Variants in XKR6 observed in about 807,000 individuals in gnomAD.
XKR6 encodes XK related 6, also known as XK-related protein 6.
In XKR6, 22 loss-of-function variants were observed where a neutral mutation model predicts 56.7. The ratio of observed to expected loss-of-function variants is 0.39; its 90% CI spans 0.28 to 0.55. XKR6 has a LOEUF of 0.55. Ranked by LOEUF, XKR6 falls within the 20% of genes least tolerant of loss-of-function variation. XKR6 has a pLI of 0.66. For synonymous variants in XKR6, 524 were observed against 387.8 expected, an observed-to-expected ratio of 1.35 and a Z score of -4.13; for missense variants, 852 against 889.0, an observed-to-expected ratio of 0.96 and a Z score of 0.53.
intron 1 of XKR6, among the ~76,000 whole-genome samples, chr8:11,166,845 G>C (rs369398376): frequency 6.6e-6 from 1 of 152,196 alleles, no homozygotes; most frequent in African/African-American, 2.4e-5. Flanking sequence ...AAACTGCTGA[G>C]ATTACAGGCG....
At position 11,200,506 on chromosome 8, in the gene XKR6, C is replaced by T. The variant is rs1392251957; in HGVS notation, c.764+70G>A. ...CGCTGGGCCCTTTCGAGGGGCCGCCCCGCGAAGCACCGGGAGGGCGGAGGG... is the reference window on the plus strand; with the variant it reads ...CGCTGGGCCCTTTCGAGGGGCCGCCTCGCGAAGCACCGGGAGGGCGGAGGG... On this transcript the variant is annotated intron_variant, in intron 1 of 2. Coordinates refer to ENST00000416569, the MANE Select transcript of XKR6 (RefSeq NM_173683.4). The surrounding 1 kb of genome is among the most constrained non-coding windows in gnomAD (Gnocchi z 6.4). The T allele has an allele frequency of 5.8e-6, 8 of 1,375,468 alleles. No individual in the cohort carries two copies. The highest frequency in any genetic ancestry group is 7.5e-6 in the Non-Finnish European group (8 of 1,072,814). 85.2% of individuals were successfully genotyped at this position (1,375,468 alleles called of 1,614,324 possible). A position where few individuals can be genotyped will look rare whatever the true frequency, so the allele number is the denominator to read the frequency against.
intron 1 of XKR6, chr8:11,109,564 C>T (rs1346757147): frequency 1.3e-5 from 2 of 152,216 alleles, no homozygotes; most frequent in African/African-American, 4.8e-5. Flanking sequence ...CTCATCCTCC[C>T]CAGGAAAGGC....
chr8:10,995,991 G>T (rs1798105044), intron 1 of XKR6, among the ~76,000 whole-genome samples: 1 of 152,174 alleles, frequency 6.6e-6, no homozygotes, highest in African/African-American at 2.4e-5. Flanking sequence ...TTGTTTACAT[G>T]ATATAAAGGG....
chr8:11,192,514 C>A (rs1803637946), intron 1 of XKR6, among the ~76,000 whole-genome samples: 1 of 151,846 alleles, frequency 6.6e-6, no homozygotes, highest in Non-Finnish European at 1.5e-5. Context: ...ACTCAGGAGG[C>A]ATAGGCAAGG....
intron 2 of XKR6, among the ~76,000 whole-genome samples, chr8:10,909,241 C>T (rs1396790493): frequency 1.3e-5 from 2 of 152,130 alleles, no homozygotes; most frequent in African/African-American, 4.8e-5. Context: ...TGTTAAGACA[C>T]AGCAAAGAGG....
At chr8:11,064,167 G>C (rs1031897477) in intron 1 of XKR6, among the ~76,000 whole-genome samples, 5 of 151,988 alleles carry the variant, frequency 3.3e-5, no homozygotes, top group African/African-American at 1.2e-4. Context: ...CCCAATAAAT[G>C]GTTTCATCTT....
chr8:11,164,639 G>A (rs973711668), intron 1 of XKR6, among the ~76,000 whole-genome samples: 3 of 152,168 alleles, frequency 2.0e-5, no homozygotes, highest in African/African-American at 7.2e-5. Flanking sequence ...CACGCAGACA[G>A]ATACAACTAA....
intron 1 of XKR6, among the ~76,000 whole-genome samples, chr8:11,052,752 C>T (rs572052452): frequency 4.0e-5 from 6 of 151,258 alleles, no homozygotes; most frequent in African/African-American, 7.3e-5. Flanking sequence ...CCTTGCCCAC[C>T]GGGAGTGAGC....
chr8:11,121,242 G>A (rs947618311), intron 1 of XKR6, among the ~76,000 whole-genome samples: 4 of 152,122 alleles, frequency 2.6e-5, no homozygotes, highest in African/African-American at 9.7e-5. Flanking sequence ...CCATCAGAGT[G>A]AACAGGCAAC....
At chr8:11,099,206 G>A (rs1023867572) in intron 1 of XKR6, among the ~76,000 whole-genome samples, 2 of 152,196 alleles carry the variant, frequency 1.3e-5, no homozygotes, top group Non-Finnish European at 2.9e-5. Context: ...GCTGGGTACA[G>A]CAGGAGGGCA....
chr8:11,046,402 A>T (rs1180682511), intron 1 of XKR6, among the ~76,000 whole-genome samples: 4 of 152,164 alleles, frequency 2.6e-5, no homozygotes, highest in Admixed American at 2.0e-4. Flanking sequence ...TCTGTCTCAA[A>T]AGAAGAAAAA....
chr8:11,128,862 G>T (rs938344818), intron 1 of XKR6: 1 of 456,692 alleles, frequency 2.2e-6, no homozygotes, highest in African/African-American at 2.0e-5. Flanking sequence ...ACCATCTTCA[G>T]CCAAGCCACC....
At chr8:11,013,334 C>G (rs4401813) in intron 1 of XKR6, among the ~76,000 whole-genome samples, 1 of 152,134 alleles carries the variant, frequency 6.6e-6, no homozygotes, top group Non-Finnish European at 1.5e-5. Context: ...AGAGGAGAGA[C>G]AGGAGGAAGG....
chr8:11,029,518 A>C (rs1330830659), intron 1 of XKR6, among the ~76,000 whole-genome samples: 1 of 152,154 alleles, frequency 6.6e-6, no homozygotes, highest in Non-Finnish European at 1.5e-5. Context: ...ATGTGAGCAT[A>C]CTACCAGGAA....
intron 1 of XKR6, among the ~76,000 whole-genome samples, chr8:10,970,143 G>A (rs985230879): frequency 3.9e-5 from 6 of 152,146 alleles, no homozygotes; most frequent in African/African-American, 1.4e-4. Flanking sequence ...TCTGTGCTCC[G>A]GGACCCCATA....
At chr8:11,113,861 T>C in intron 1 of XKR6, 1 of 203,510 alleles carries the variant, frequency 4.9e-6, no homozygotes, top group Non-Finnish European at 1.0e-5. Context: ...TGTCAGTATG[T>C]TGTTTAATAC....
chr8:11,170,539 TGGGAAA>T (rs1802314365), intron 1 of XKR6, among the ~76,000 whole-genome samples: 1 of 152,144 alleles, frequency 6.6e-6, no homozygotes, highest in African/African-American at 2.4e-5. Context: ...TCCCAGGGGC[TGGGAAA>T]GGGAAAATGA....
intron 1 of XKR6, among the ~76,000 whole-genome samples, chr8:10,985,756 G>C (rs186771578): frequency 4.6e-5 from 7 of 152,150 alleles, no homozygotes; most frequent in Admixed American, 1.3e-4. Flanking sequence ...GCAGTCTCTG[G>C]TATGTCTTTA....
intron 1 of XKR6, among the ~76,000 whole-genome samples, chr8:11,006,572 C>T (rs1480670307): frequency 6.6e-6 from 1 of 152,140 alleles, no homozygotes; most frequent in African/African-American, 2.4e-5. Flanking sequence ...GTTGTGGGTA[C>T]ACACAGAGTG....
Sources: gnomAD v4.1 joint callset for allele counts (sites outside exome capture counted in the v4.1 genomes callset) on GRCh38, gnomAD v4.1.1 for gene constraint, Gnocchi (gnomAD v3.1) non-coding constraint, MANE v1.5 for transcripts, NCBI Gene and HGNC (gene_info 2026-07-23, HGNC 2026-07-21) for gene names.